THBS3: variants seen among roughly 807,000 people sequenced by gnomAD.
THBS3 encodes the protein thrombospondin 3.
Under a neutral mutation model 118.3 loss-of-function variants are expected in THBS3, and 78 were observed. The observed-to-expected ratio is 0.66, with a 90% CI of 0.55 to 0.80. THBS3 has a LOEUF of 0.80. Among genes scored for constraint, THBS3 ranks in the 30% least tolerant of loss-of-function variants. The pLI is 0.00. For missense variants in THBS3, 1,057 were observed against 1,247.4 expected, an observed-to-expected ratio of 0.85 and a Z score of 2.30; for synonymous variants, 427 against 475.3, an observed-to-expected ratio of 0.90 and a Z score of 1.32.
At chr1:155,208,715 T>A, upstream of THBS3, 362 of 587,712 alleles carry the variant, frequency 6.2e-4, no homozygotes, top group Middle Eastern at 1.8e-3. Context: ...CAGCCCGGCC[T>A]CCGCTCCGGC....
In THBS3 at chr1:155,207,797, C is replaced by A. The variant is rs1348225350; in HGVS notation, c.79+1G>T. On this transcript the variant is annotated splice_donor_variant, in intron 1 of 22. Coordinates refer to ENST00000368378, the MANE Select transcript of THBS3 (RefSeq NM_007112.5). LOFTEE classifies it high-confidence loss of function. ...GTCTAAGAGGATGGAGACAGGCTTA[C>A]CCTGCAGATCCTGACTGGCAGATGT... is the stretch of plus-strand genomic sequence containing the variant. 6.2e-7 allele frequency: 1 copy of A among 1,613,978 alleles called. No homozygotes were observed.
chr1:155,196,446 C>G, intron 21 of THBS3: 1 of 376,556 alleles, frequency 2.7e-6, no homozygotes, highest in South Asian at 3.8e-5. Flanking sequence ...AGTCCACCCC[C>G]TTTTATCCCC....
At chr1:155,195,934 T>C in intron 22 of THBS3, 35 bp from the exon 23 acceptor site, 1 of 1,614,226 alleles carries the variant, frequency 6.2e-7, no homozygotes, top group Non-Finnish European at 8.5e-7. Flanking sequence ...TCAGAGGATG[T>C]GGCTCTCCCA....
Position 155,200,827 on chromosome 1 carries a change from G to A in THBS3, c.1548+70C>T, listed in dbSNP as rs1206041616. On this transcript the variant is annotated intron_variant, in intron 13 of 22. Coordinates refer to ENST00000368378, the MANE Select transcript of THBS3 (RefSeq NM_007112.5). ...CCTTACTAGAGAGCTGCCAGATGAG[G>A]TAAGTGAGGCACAGAGAGGACAGGA... The A allele has an allele frequency of 4.3e-6, 7 of 1,612,128 alleles. No individual in the cohort carries two copies. The East Asian group carries it at 1.6e-4, about 36-fold the overall frequency.
chr1:155,208,717 CGCT>C, upstream of THBS3: 4 of 1,360,820 alleles, frequency 2.9e-6, no homozygotes, highest in Non-Finnish European at 2.9e-6. Context: ...GCCCGGCCTC[CGCT>C]CCGGCCGCCG....
At chr1:155,201,373 C>T in intron 11 of THBS3, 44 bp downstream of exon 11, 1 of 1,572,638 alleles carries the variant, frequency 6.4e-7, no homozygotes, top group Non-Finnish European at 8.6e-7. Context: ...CTACTCCTTT[C>T]CCCAGACCCT....
At chr1:155,201,889 A>T in intron 10 of THBS3, 68 bp downstream of exon 10, 1 of 1,604,428 alleles carries the variant, frequency 6.2e-7, no homozygotes, top group East Asian at 2.2e-5. Context: ...TTTGAAGGTA[A>T]GAAGGGGCGG....
chr1:155,197,134 C>G lies in THBS3; in HGVS notation c.2579G>C (p.Arg860Pro). The G allele has an allele frequency of 2.5e-6, 4 of 1,614,196 alleles. No individual in the cohort carries two copies. The highest frequency in any genetic ancestry group is 3.4e-6 in the Non-Finnish European group (4 of 1,180,050). The stretch of plus-strand genomic sequence containing the variant: ...ATTTCGTGGGTCTGTCCACAGCAGT[C>G]GTACCTGATCAGGGGTGTGGCCAGT... ...WHTGHTPDQV[R>P]LLWTDPRNVG... is the part of the protein sequence containing the mutation. The change falls in exon 21 of 23, where the codon CGA becomes CCA. Residue 860 changes from arginine to proline, a missense_variant. Physicochemically the swap from Arg to Pro is moderately radical, Grantham distance 103. Around this residue, in one of 3 missense-constraint regions of THBS3, gnomAD observed 307 missense variants for 326.1 expected, o/e 0.94. Transcript: ENST00000368378. This position sits in a 1 kb window ranked among gnomAD's most constrained non-coding sequence, Gnocchi z 5.0.
intron 1 of THBS3, 120 bp downstream of exon 1, chr1:155,207,678 C>T (rs1036697670): frequency 2.8e-6 from 3 of 1,076,590 alleles, no homozygotes; most frequent in Admixed American, 4.3e-5. Context: ...CTTAAGTTTT[C>T]CTCTGGCTCA....
rs374746868 is a variant in THBS3, at chr1:155,196,076, A to G, written c.2723T>C (p.Ile908Thr). The change falls in exon 22 of 23, where the codon ATT becomes ACT. Residue 908 changes from isoleucine (I) to threonine (T), a missense_variant. Coordinates refer to ENST00000368378, the MANE Select transcript of THBS3 (RefSeq NM_007112.5). ...PQLVADSGVI[I>T]DTSMRGGRLG... ...ACGCCCCCCTCGCATGGATGTGTCA[A>G]TGATCACCCCAGAATCCGCCACAAG... is the stretch of plus-strand genomic sequence containing the variant. 47 of 1,614,062 alleles carry G rather than the reference A, an allele frequency of 2.9e-5. No individual in the cohort carries two copies. Among genetic ancestry groups the G allele is most frequent in the Middle Eastern group, 1.6e-4 (1 of 6,084 alleles).
At chr1:155,201,834 C>G in intron 10 of THBS3, 123 bp downstream of exon 10, 2 of 1,420,436 alleles carry the variant, frequency 1.4e-6, no homozygotes, top group Non-Finnish European at 2.0e-6. Context: ...CATGTGAACA[C>G]CTAATCTGTG....
intron 1 of THBS3, among the ~76,000 whole-genome samples, 146 bp downstream of exon 1, chr1:155,207,641 GCCATAATTTCA>G (rs982725179): frequency 2.6e-5 from 4 of 152,148 alleles, no homozygotes; most frequent in Non-Finnish European, 5.9e-5. Flanking sequence ...TCTCCACCAG[GCCATAATTTCA>G]CCAACTCTAG....
intron 16 of THBS3, 84 bp from the exon 17 acceptor site, chr1:155,198,686 C>G (rs1669111400): frequency 2.1e-6 from 3 of 1,415,494 alleles, no homozygotes; most frequent in Non-Finnish European, 1.9e-6. Flanking sequence ...GTCTCTGGAG[C>G]CTGCTCTCCA....
chr1:155,205,728 A>G (rs1670450118), intron 2 of THBS3, among the ~76,000 whole-genome samples: 1 of 152,216 alleles, frequency 6.6e-6, no homozygotes, highest in African/African-American at 2.4e-5. Context: ...CAGTGAGCTG[A>G]GATTGTACCA....
chr1:155,208,760 C>T (rs765554307), upstream of THBS3: 46 of 1,429,024 alleles, frequency 3.2e-5, no homozygotes, highest in Non-Finnish European at 3.8e-5. Context: ...TCCATGGCGA[C>T]AGGCGGCGCA....
chr1:155,202,519 T>G lies in THBS3; in HGVS notation c.958-118A>C. On this transcript the variant is annotated intron_variant, in intron 8 of 22. Transcript: ENST00000368378. This position sits in a 1 kb window ranked among gnomAD's most constrained non-coding sequence, Gnocchi z 5.5. ...CTTTGTGCAGCTCTCCCCACACAAC[T>G]GCCTTGTGCTCCTGGTCCCCACCCC... The G allele has an allele frequency of 7.1e-7, 1 of 1,408,774 alleles. No homozygotes were observed. Among genetic ancestry groups the G allele is most frequent in the Middle Eastern group, 2.5e-4 (1 of 3,984 alleles). 87.3% of individuals were successfully genotyped at this position (1,408,774 alleles called of 1,614,324 possible).
chr1:155,202,817 T>G lies in THBS3; in HGVS notation c.952A>C (p.Asn318His), dbSNP rs767248444. The G allele has an allele frequency of 1.2e-6, 2 of 1,611,422 alleles. No individual in the cohort carries two copies. The highest frequency in any genetic ancestry group is 2.7e-5 in the African/African-American group (2 of 74,848). The change falls in exon 8 of 23, where the codon AAT (asparagine) becomes CAT (histidine). Residue 318 changes from asparagine to histidine, a missense_variant. Asn to His is a moderately conservative substitution (Grantham distance 68). Coordinates refer to ENST00000368378, the MANE Select transcript of THBS3 (RefSeq NM_007112.5). This position sits in a 1 kb window ranked among gnomAD's most constrained non-coding sequence, Gnocchi z 5.5. ...QGNGTHCSDINECAHADPCFP... is the reference protein window; with the variant it reads ...QGNGTHCSDIHECAHADPCFP... ...TGGGCTCTGACCTCCCTCACCTCATTGATGTCACTGCAGTGGGTGCCGTTG... is the reference window on the plus strand; with the variant it reads ...TGGGCTCTGACCTCCCTCACCTCATGGATGTCACTGCAGTGGGTGCCGTTG...
In THBS3 at chr1:155,197,351, G is replaced by A. The variant is rs1467355705; in HGVS notation, c.2499+112C>T. On this transcript the variant is annotated intron_variant, in intron 20 of 22. Transcript: ENST00000368378. The surrounding 1 kb of genome is among the most constrained non-coding windows in gnomAD (Gnocchi z 5.0). ...GGGGCCCCAGAGAGCCGGCCTCCAAGCCAGATGTCTGGGTAAGAGGGTTCC... is the reference window on the plus strand; with the variant it reads ...GGGGCCCCAGAGAGCCGGCCTCCAAACCAGATGTCTGGGTAAGAGGGTTCC... 1.3e-6 allele frequency: 2 copies of A among 1,523,948 alleles called. No individual in the cohort carries two copies. The highest frequency in any genetic ancestry group is 1.8e-6 in the Non-Finnish European group (2 of 1,122,030). 94.4% of individuals were successfully genotyped at this position (1,523,948 alleles called of 1,614,324 possible).
At position 155,197,338 on chromosome 1, in the gene THBS3, A is replaced by C; in HGVS notation, c.2499+125T>G. 1 of 1,520,478 alleles carries C rather than the reference A, an allele frequency of 6.6e-7. No homozygotes were observed. Among genetic ancestry groups the C allele is most frequent in the Non-Finnish European group, 8.9e-7 (1 of 1,119,236 alleles). 94.2% of individuals were successfully genotyped at this position (1,520,478 alleles called of 1,614,324 possible). A position where few individuals can be genotyped will look rare whatever the true frequency, so the allele number is the denominator to read the frequency against. The stretch of plus-strand genomic sequence containing the variant: ...ATGAAAATGCCCTGGGGCCCCAGAG[A>C]GCCGGCCTCCAAGCCAGATGTCTGG... On this transcript the variant is annotated intron_variant, in intron 20 of 22. Coordinates refer to ENST00000368378, the MANE Select transcript of THBS3 (RefSeq NM_007112.5). This position sits in a 1 kb window ranked among gnomAD's most constrained non-coding sequence, Gnocchi z 5.0.
Sources: allele counts gnomAD v4.1 joint callset (sites outside exome capture counted in the v4.1 genomes callset), GRCh38; gene constraint gnomAD v4.1.1; regional missense constraint gnomAD v4.1.1; non-coding constraint Gnocchi (gnomAD v3.1); transcripts MANE v1.5; gene names NCBI Gene and HGNC (gene_info 2026-07-23, HGNC 2026-07-21).